ICA1: variants seen among roughly 807,000 people sequenced by gnomAD.
ICA1 encodes the protein 69 kDa islet cell autoantigen.
A neutral mutation model predicts 71.0 loss-of-function variants in ICA1; 40 were observed. That is an observed-to-expected ratio of 0.56 (90% confidence interval 0.44 to 0.73). The LOEUF is 0.73. Ranked by LOEUF, ICA1 falls within the 30% of genes least tolerant of loss-of-function variation. The pLI is 0.00. For synonymous variants in ICA1, 207 were observed against 209.5 expected (o/e 0.99, Z 0.10); for missense variants, 578 against 576.5 (o/e 1.00, Z -0.03).
chr7:8,177,450 G>A (rs1251096743), intron 6 of ICA1, among the ~76,000 whole-genome samples: 1 of 151,984 alleles, frequency 6.6e-6, no homozygotes, highest in African/African-American at 2.4e-5. Context: ...CTGAGCCCAG[G>A]GCACCCTTTT....
chr7:8,117,006 T>C (rs1007381742), intron 13 of ICA1, among the ~76,000 whole-genome samples: 1 of 152,154 alleles, frequency 6.6e-6, no homozygotes, highest in Non-Finnish European at 1.5e-5. Flanking sequence ...TAGGTGGAGG[T>C]AACTGAATCA....
intron 1 of ICA1, among the ~76,000 whole-genome samples, chr7:8,242,764 C>G (rs546826418): frequency 6.6e-6 from 1 of 151,856 alleles, no homozygotes; most frequent in South Asian, 2.1e-4. Flanking sequence ...ATACAAACTA[C>G]CATCAGAGAA....
intron 3 of ICA1, among the ~76,000 whole-genome samples, chr7:8,231,751 C>A: frequency 6.6e-6 from 1 of 152,286 alleles, no homozygotes; most frequent in Non-Finnish European, 1.5e-5. Context: ...TGCTTAGAAT[C>A]AATCTCATCC....
intron 6 of ICA1, among the ~76,000 whole-genome samples, chr7:8,169,813 C>T (rs1807580129): frequency 6.6e-6 from 1 of 151,026 alleles, no homozygotes; most frequent in Non-Finnish European, 1.5e-5. Context: ...CTTAATAGTG[C>T]CTTTTGAAAT....
chr7:8,148,168 T>G (rs1797675149), intron 8 of ICA1, among the ~76,000 whole-genome samples: 1 of 152,138 alleles, frequency 6.6e-6, no homozygotes, highest in Non-Finnish European at 1.5e-5. Context: ...AAATAAAATT[T>G]ATCATAAAAA....
Position 8,223,348 on chromosome 7 carries a change from T to G in ICA1, c.257-1950A>C, listed in dbSNP as rs534297619. On this transcript the variant is annotated intron_variant, in intron 4 of 13. Coordinates refer to ENST00000402384, the MANE Select transcript of ICA1 (RefSeq NM_001136020.3). This position sits in a 1 kb window ranked among gnomAD's most constrained non-coding sequence, Gnocchi z 4.1. Reference sequence around the variant, plus strand: ...CTGAATAATTACATGGTTGACAAAATGTACTCTTTCCTAAATAAACCTAAG... The same window carrying G: ...CTGAATAATTACATGGTTGACAAAAGGTACTCTTTCCTAAATAAACCTAAG... The G allele has an allele frequency of 6.5e-6, 1 of 153,424 alleles. No individual in the cohort carries two copies. The highest frequency in any genetic ancestry group is 2.1e-4 in the South Asian group (1 of 4,868). The allele number at this position is 153,424 out of a possible 1,614,324, so 9.5% of individuals were successfully genotyped here. A position where few individuals can be genotyped will look rare whatever the true frequency, so the allele number is the denominator to read the frequency against.
intron 6 of ICA1, among the ~76,000 whole-genome samples, chr7:8,205,976 C>G (rs1791397361): frequency 6.6e-6 from 1 of 152,174 alleles, no homozygotes; most frequent in South Asian, 2.1e-4. Flanking sequence ...GGTTCCCTCT[C>G]AAATAGCTGC....
At position 8,224,109 on chromosome 7, in the gene ICA1, A is replaced by C. The variant is rs142441622; in HGVS notation, c.257-2711T>G. On this transcript the variant is annotated intron_variant, in intron 4 of 13. Coordinates refer to ENST00000402384, the MANE Select transcript of ICA1 (RefSeq NM_001136020.3). ...AAAATAAAACATAATCACAAACACGAAACACAAAAAAGAAAAATACCAGGC... is the reference window on the plus strand; with the variant it reads ...AAAATAAAACATAATCACAAACACGCAACACAAAAAAGAAAAATACCAGGC... Among the ~76,000 whole-genome samples the C allele has an allele frequency of 9.5e-3, 1,449 of 152,274 alleles. 17 individuals carry two copies. Among genetic ancestry groups the C allele is most frequent in the African/African-American group, 0.031 (1,301 of 41,554 alleles).
intron 9 of ICA1, chr7:8,142,052 A>G (rs1019601392): frequency 6.0e-5 from 85 of 1,425,232 alleles, no homozygotes; most frequent in Non-Finnish European, 7.7e-5. Context: ...TATTCTGTAA[A>G]TATCTAGATG....
chr7:8,152,565 A>ATCT (rs1198837698), intron 8 of ICA1, among the ~76,000 whole-genome samples: 13 of 141,342 alleles, frequency 9.2e-5, no homozygotes, highest in African/African-American at 3.5e-4. Flanking sequence ...CACCACCACC[A>ATCT]CCACCACCAC....
intron 6 of ICA1, among the ~76,000 whole-genome samples, chr7:8,177,894 G>A (rs777042403): frequency 5.9e-5 from 9 of 152,198 alleles, no homozygotes; most frequent in Admixed American, 2.0e-4. Context: ...GAATACCAAA[G>A]TGTGGTTGAT....
chr7:8,136,334 T>C (rs186328368), intron 12 of ICA1, among the ~76,000 whole-genome samples: 2 of 152,282 alleles, frequency 1.3e-5, no homozygotes, highest in East Asian at 3.9e-4. Flanking sequence ...AAGTCAGCCA[T>C]CCCTGGATTA....
At chr7:8,189,696 T>A (rs1055536207) in intron 6 of ICA1, among the ~76,000 whole-genome samples, 6 of 151,362 alleles carry the variant, frequency 4.0e-5, no homozygotes, top group African/African-American at 1.5e-4. Flanking sequence ...GAGCCTGCAG[T>A]CCGAGGGGCA....
chr7:8,158,233 A>G (rs756109130), intron 7 of ICA1: 4 of 351,876 alleles, frequency 1.1e-5, no homozygotes, highest in Non-Finnish European at 1.6e-5. Flanking sequence ...TGTCTCGTAC[A>G]TTAAAAAGAA....
chr7:8,141,734 GA>G, intron 10 of ICA1, 30 bp downstream of exon 10: 1 of 1,377,098 alleles, frequency 7.3e-7, no homozygotes, highest in Non-Finnish European at 1.0e-6. Flanking sequence ...TAATATTTCA[GA>G]AGCAATTCTA....
chr7:8,152,710 TCAC>T (rs1799574790), intron 8 of ICA1, among the ~76,000 whole-genome samples: 7 of 51,830 alleles, frequency 1.4e-4, no homozygotes, highest in South Asian at 1.3e-3. Context: ...ACTACCACCA[TCAC>T]CTCCTCCACC....
intron 8 of ICA1, among the ~76,000 whole-genome samples, chr7:8,146,759 G>A (rs192209163): frequency 1.3e-5 from 2 of 150,660 alleles, no homozygotes; most frequent in Non-Finnish European, 3.0e-5. Context: ...GTGTGTGTGT[G>A]TGTGTTTAGT....
rs1227408224 is a variant in ICA1 at position 8,132,386 on chromosome 7, A to G, written c.1061-4244T>C. 2.0e-5 allele frequency among the ~76,000 whole-genome samples: 3 copies of G among 151,858 alleles called. No homozygotes were observed. Among genetic ancestry groups the G allele is most frequent in the African/African-American group, 7.3e-5 (3 of 41,314 alleles). ...ATGTTGCTCTCCACCCTCCCCTCAC[A>G]CTTTCAAGTTACTGTTCTGGTTTCT... On this transcript the variant is annotated intron_variant, in intron 12 of 13. Transcript: ENST00000402384. The surrounding 1 kb of genome is among the most constrained non-coding windows in gnomAD (Gnocchi z 4.5).
intron 6 of ICA1, among the ~76,000 whole-genome samples, chr7:8,194,921 A>G (rs1228176648): frequency 6.6e-6 from 1 of 152,224 alleles, no homozygotes; most frequent in African/African-American, 2.4e-5. Flanking sequence ...TTGAGTTGAA[A>G]TAATAAAGCA....
Sources: gnomAD v4.1 joint callset for allele counts (sites outside exome capture counted in the v4.1 genomes callset) on GRCh38, gnomAD v4.1.1 for gene constraint, Gnocchi (gnomAD v3.1) non-coding constraint, MANE v1.5 for transcripts, NCBI Gene and HGNC (gene_info 2026-07-23, HGNC 2026-07-21) for gene names.